The following DNAI7 variants were observed in gnomAD, a reference collection of about 807,000 sequenced individuals.
DNAI7 encodes the protein dynein axonemal intermediate chain 7.
In DNAI7, 78 loss-of-function variants were observed where a neutral mutation model predicts 86.6. The ratio of observed to expected loss-of-function variants is 0.90; its 90% CI spans 0.75 to 1.09. The LOEUF is 1.09. Among genes scored for constraint, DNAI7 ranks in the 50% least tolerant of loss-of-function variants. The pLI is 0.00. For synonymous variants in DNAI7, 274 were observed against 273.0 expected, an observed-to-expected ratio of 1.00 and a Z score of -0.04; for missense variants, 753 against 810.2, an observed-to-expected ratio of 0.93 and a Z score of 0.86.
At chr12:25,124,915 C>T (rs564168116) in intron 9 of DNAI7, among the ~76,000 whole-genome samples, 1 of 123,624 alleles carries the variant, frequency 8.1e-6, no homozygotes, top group East Asian at 4.8e-4. Context: ...GGATAATAGC[C>T]TTCAGCTCCA....
Position 25,191,574 on chromosome 12 carries a change from T to A in DNAI7, c.4-943A>T, listed in dbSNP as rs532452864. Among the ~76,000 whole-genome samples the A allele has an allele frequency of 6.6e-5, 10 of 151,454 alleles. No individual in the cohort carries two copies. In the South Asian group the frequency reaches 1.9e-3, roughly 28 times the overall value. ...AGAAAATTGGCCGGGCATGGTGGCA[T>A]GTGTCTGTAGTCCCAGCTACTTGGG... On this transcript the variant is annotated intron_variant, in intron 1 of 15. Coordinates refer to ENST00000395987, the MANE Select transcript of DNAI7 (RefSeq NM_018272.5).
At chr12:25,161,433 T>C (rs1946826879) in intron 2 of DNAI7, among the ~76,000 whole-genome samples, 1 of 152,218 alleles carries the variant, frequency 6.6e-6, no homozygotes, top group South Asian at 2.1e-4. Context: ...AGGGTGACAG[T>C]GGCAAGTACA....
intron 9 of DNAI7, among the ~76,000 whole-genome samples, chr12:25,141,573 G>A (rs1944186460): frequency 6.6e-6 from 1 of 152,236 alleles, no homozygotes; most frequent in Non-Finnish European, 1.5e-5. Flanking sequence ...GCTCATGCCT[G>A]TTATCCCAGC....
chr12:25,121,974 G>T, intron 10 of DNAI7, 61 bp from the exon 11 acceptor site: 1 of 1,211,772 alleles, frequency 8.3e-7, no homozygotes, highest in Non-Finnish European at 1.1e-6. Context: ...TCTTAGGAAA[G>T]AAATTTAAAA....
chr12:25,112,716 T>G (rs11047841), intron 13 of DNAI7, among the ~76,000 whole-genome samples: 6,332 of 151,792 alleles, frequency 0.042, 431 homozygotes, highest in African/African-American at 0.14. Context: ...TACACATCTG[T>G]TTTTTTTTTA....
At chr12:25,146,052 G>A (rs1442889874) in intron 8 of DNAI7, among the ~76,000 whole-genome samples, 1 of 151,484 alleles carries the variant, frequency 6.6e-6, no homozygotes. Flanking sequence ...GAGAAACCAC[G>A]TCTCTACTAA....
At chr12:25,155,485 C>T in intron 4 of DNAI7, 73 bp from the exon 5 acceptor site, 1 of 700,010 alleles carries the variant, frequency 1.4e-6, no homozygotes, top group Non-Finnish European at 2.4e-6. Context: ...GCATCTAAAA[C>T]TGACGTGGCT....
chr12:25,107,094 GA>G, downstream of DNAI7: 1 of 1,091,920 alleles, frequency 9.2e-7, no homozygotes, highest in Non-Finnish European at 1.4e-6. Flanking sequence ...AGTGGAATGG[GA>G]AAGGGTGAGG....
intron 2 of DNAI7, among the ~76,000 whole-genome samples, chr12:25,176,067 G>A (rs904465510): frequency 2.4e-4 from 36 of 152,018 alleles, no homozygotes; most frequent in Middle Eastern, 6.8e-3. Context: ...ATGACAGAGC[G>A]AGACTCCATC....
chr12:25,115,994 C>T (rs1281593707), intron 12 of DNAI7, among the ~76,000 whole-genome samples: 1 of 152,048 alleles, frequency 6.6e-6, no homozygotes, highest in African/African-American at 2.4e-5. Flanking sequence ...TATGTTGTAT[C>T]ACAATGTGGT....
chr12:25,188,434 T>C (rs1359988923), intron 2 of DNAI7, among the ~76,000 whole-genome samples: 1 of 152,208 alleles, frequency 6.6e-6, no homozygotes, highest in Non-Finnish European at 1.5e-5. Context: ...TGTGTGTTCA[T>C]TAATTTTCCC....
chr12:25,181,310 G>C (rs181461484), intron 2 of DNAI7, among the ~76,000 whole-genome samples: 19 of 151,934 alleles, frequency 1.3e-4, no homozygotes, highest in African/African-American at 3.9e-4. Flanking sequence ...GAGGTGGGGG[G>C]GTCTCACTAT....
Position 25,155,241 on chromosome 12 carries a change from A to G in DNAI7, c.300+70T>C, listed in dbSNP as rs562764838. ...GAAAAATTTAGTTTCTTTTCTTGGC[A>G]TCAAAATTGGACTACACCTCCCTCT... is the stretch of plus-strand genomic sequence containing the variant. On this transcript the variant is annotated intron_variant, in intron 5 of 15. Transcript: ENST00000395987. 3 of 714,978 alleles carry G rather than the reference A, an allele frequency of 4.2e-6. No homozygotes were observed. The South Asian group carries it at 6.6e-5, about 16-fold the overall frequency. The allele number at this position is 714,978 out of a possible 1,614,324, so 44.3% of individuals were successfully genotyped here. A position where few individuals can be genotyped will look rare whatever the true frequency, so the allele number is the denominator to read the frequency against.
intron 2 of DNAI7, chr12:25,185,722 G>T: frequency 1.0e-6 from 1 of 958,596 alleles, no homozygotes; most frequent in African/African-American, 1.8e-5. Context: ...TGTCAGCACT[G>T]AATGTTCCAT....
At chr12:25,183,696 C>T (rs751331492) in intron 2 of DNAI7, among the ~76,000 whole-genome samples, 7 of 151,972 alleles carry the variant, frequency 4.6e-5, no homozygotes, top group Non-Finnish European at 8.8e-5. Flanking sequence ...CTCAGTCTCC[C>T]ATATTGCTGG....
chr12:25,165,917 T>G (rs1455331242), intron 2 of DNAI7, among the ~76,000 whole-genome samples: 1 of 152,114 alleles, frequency 6.6e-6, no homozygotes, highest in East Asian at 1.9e-4. Flanking sequence ...GCCGAGACAC[T>G]TAAACTAAAT....
chr12:25,167,564 C>A (rs1947627442), intron 2 of DNAI7, among the ~76,000 whole-genome samples: 2 of 152,176 alleles, frequency 1.3e-5, no homozygotes, highest in African/African-American at 2.4e-5. Flanking sequence ...CTAATCCCTC[C>A]TTAGCGAACA....
At chr12:25,132,175 G>A (rs180785138) in intron 9 of DNAI7, among the ~76,000 whole-genome samples, 121 of 152,166 alleles carry the variant, frequency 8.0e-4, no homozygotes, top group Non-Finnish European at 1.5e-3. Context: ...TATGAGGAAA[G>A]TATTGCGTGT....
intron 2 of DNAI7, among the ~76,000 whole-genome samples, chr12:25,180,901 G>A (rs2141275887): frequency 6.6e-6 from 1 of 152,196 alleles, no homozygotes; most frequent in East Asian, 1.9e-4. Context: ...CTGCCTCCCG[G>A]GTTCAAGAGA....
Sources: allele counts gnomAD v4.1 joint callset (sites outside exome capture counted in the v4.1 genomes callset), GRCh38; gene constraint gnomAD v4.1.1; transcripts MANE v1.5; gene names NCBI Gene and HGNC (gene_info 2026-07-23, HGNC 2026-07-21).